The following MAPDA variants were observed in gnomAD, a reference collection of about 807,000 sequenced individuals.
MAPDA encodes N6,N6-dimethyl-AMP deaminase.
At chr15:43,332,351 G>A in the MAPDA span, 3 of 151,738 alleles carry the variant, frequency 2.0e-5, no homozygotes, top group African/African-American at 4.8e-5. Context: ...GTACTGCTTC[G>A]TGAGGTATCT....
At chr15:43,347,059 A>G in the MAPDA span, 1 of 1,613,920 alleles carries the variant, frequency 6.2e-7, no homozygotes, top group Non-Finnish European at 8.5e-7. Context: ...TTAGAAGCTA[A>G]GAAAGCAGGT....
the MAPDA span, chr15:43,347,183 T>G: frequency 2.7e-6 from 3 of 1,092,536 alleles, no homozygotes; most frequent in African/African-American, 4.7e-5. Context: ...TAAACCGGGA[T>G]TGGAAAAACA....
the MAPDA span, chr15:43,330,521 CA>C: frequency 3.2e-5 from 49 of 1,510,074 alleles, no homozygotes; most frequent in Non-Finnish European, 4.3e-5. Context: ...GGCAGTCTGT[CA>C]CGGTTGTGAG....
At chr15:43,335,881 G>T in the MAPDA span, 21 of 1,575,408 alleles carry the variant, frequency 1.3e-5, no homozygotes, top group Non-Finnish European at 1.6e-5. Context: ...AGTATTTTGA[G>T]ATTGTAAGTA....
At chr15:43,340,263 A>G in the MAPDA span, 2 of 1,613,254 alleles carry the variant, frequency 1.2e-6, no homozygotes, top group African/African-American at 2.7e-5. Flanking sequence ...CTTTATTATC[A>G]GGTCACAAAA....
At chr15:43,331,931 C>G in the MAPDA span, 61 of 152,134 alleles carry the variant, frequency 4.0e-4, no homozygotes, top group Admixed American at 1.8e-3. Context: ...GCGTGTTGGT[C>G]CTGTGAGGGA....
the MAPDA span, among the ~76,000 whole-genome samples, chr15:43,334,418 A>G: frequency 6.6e-6 from 1 of 151,606 alleles, no homozygotes; most frequent in Non-Finnish European, 1.5e-5. Context: ...ACTTGAGGTC[A>G]GGAGTTCGAG....
At chr15:43,348,150 T>G in the MAPDA span, among the ~76,000 whole-genome samples, 1 of 152,232 alleles carries the variant, frequency 6.6e-6, no homozygotes, top group South Asian at 2.1e-4. Flanking sequence ...CATTTGTGTT[T>G]TGGGCTATCT....
the MAPDA span, chr15:43,349,109 C>T: frequency 4.3e-6 from 7 of 1,610,976 alleles, no homozygotes; most frequent in Non-Finnish European, 5.1e-6. Context: ...CCCAGGTTGC[C>T]TGGGGATTAC....
At chr15:43,342,164 A>G in the MAPDA span, among the ~76,000 whole-genome samples, 1 of 152,012 alleles carries the variant, frequency 6.6e-6, no homozygotes, top group Non-Finnish European at 1.5e-5. Flanking sequence ...AATTTTATAT[A>G]TTTTACCAGA....
At chr15:43,330,395 T>C in the MAPDA span, 8 of 1,582,494 alleles carry the variant, frequency 5.1e-6, no homozygotes, top group Admixed American at 2.0e-5. Flanking sequence ...GTCCTGCACG[T>C]ACCCGCGCGC....
At chr15:43,349,519 C>T in the MAPDA span, 1 of 224,914 alleles carries the variant, frequency 4.4e-6, no homozygotes, top group Non-Finnish European at 7.4e-6. Flanking sequence ...ACAAAACAGG[C>T]AAGATTTCTT....
chr15:43,345,534 G>T, the MAPDA span, among the ~76,000 whole-genome samples: 4 of 152,104 alleles, frequency 2.6e-5, no homozygotes, highest in African/African-American at 4.8e-5. Flanking sequence ...GAGAGGCTTA[G>T]AAGATACATT....
chr15:43,343,096 T>A, the MAPDA span: 3 of 1,486,460 alleles, frequency 2.0e-6, no homozygotes, highest in Non-Finnish European at 2.7e-6. Context: ...TGTACCTTAG[T>A]AGTTAACATT....
At chr15:43,351,623 T>A in the MAPDA span, 18 of 816,908 alleles carry the variant, frequency 2.2e-5, no homozygotes, top group Non-Finnish European at 3.4e-5. Context: ...ATAGATAAAT[T>A]TGTAGGCCCT....
the MAPDA span, chr15:43,347,052 G>C: frequency 6.2e-7 from 1 of 1,613,842 alleles, no homozygotes; most frequent in Middle Eastern, 1.6e-4. Context: ...ACCTCTTTTA[G>C]AAGCTAAGAA....
chr15:43,348,889 T>C, the MAPDA span: 4 of 1,611,986 alleles, frequency 2.5e-6, no homozygotes, highest in Non-Finnish European at 3.4e-6. Context: ...TTGATCCCCT[T>C]TCCTCCCCTT....
the MAPDA span, chr15:43,330,888 T>G: frequency 6.2e-6 from 1 of 160,730 alleles, no homozygotes. Context: ...ACGACTTGGC[T>G]TCCTTGGACC....
chr15:43,349,093 C>G, the MAPDA span: 5 of 1,612,630 alleles, frequency 3.1e-6, no homozygotes, highest in African/African-American at 5.3e-5. Flanking sequence ...TGTCTCTCCC[C>G]CAATCCCCAG....
Sources: gnomAD v4.1 joint callset for allele counts (sites outside exome capture counted in the v4.1 genomes callset) on GRCh38, gnomAD v4.1.1 for gene constraint, MANE v1.5 for transcripts, NCBI Gene and HGNC (gene_info 2026-07-23, HGNC 2026-07-21) for gene names.